Variants in NAA30 observed in about 807,000 individuals in gnomAD.
NAA30 encodes the protein N-alpha-acetyltransferase 30.
NAA30 carries 5 observed loss-of-function variants against 31.4 expected under a neutral mutation model. The observed-to-expected ratio is 0.16, with a 90% CI of 0.08 to 0.33. The LOEUF (loss-of-function observed/expected upper bound fraction) is 0.33, where lower values mean the gene tolerates loss of function less well. Ranked by LOEUF, NAA30 falls within the 10% of genes least tolerant of loss-of-function variation. The pLI, the probability that NAA30 is intolerant of heterozygous loss-of-function variation, is 1.00. For synonymous variants in NAA30, 222 were observed against 207.1 expected, an observed-to-expected ratio of 1.07 and a Z score of -0.62; for missense variants, 428 against 490.8, an observed-to-expected ratio of 0.87 and a Z score of 1.21.
At chr14:57,404,113 A>C (rs1383015689) in intron 4 of NAA30, among the ~76,000 whole-genome samples, 1 of 152,160 alleles carries the variant, frequency 6.6e-6, no homozygotes, top group Admixed American at 6.5e-5. Flanking sequence ...CGAGGTCAGG[A>C]GTTCGAGACC....
chr14:57,404,744 G>A (rs1447731332), intron 4 of NAA30, among the ~76,000 whole-genome samples: 2 of 152,174 alleles, frequency 1.3e-5, no homozygotes, highest in Admixed American at 6.5e-5. Flanking sequence ...GATGGTGGCA[G>A]GCAAAGAGAA....
intron 3 of NAA30, among the ~76,000 whole-genome samples, chr14:57,398,030 G>C (rs564022957): frequency 6.6e-6 from 1 of 152,242 alleles, no homozygotes; most frequent in South Asian, 2.1e-4. Flanking sequence ...CTTTAGCTGA[G>C]TATTCATAAA....
Position 57,409,816 on chromosome 14 carries a change from T to C in NAA30, c.*300T>C, listed in dbSNP as rs2066515626. ...GACAATGTTATTTACACAGTGATCA[T>C]TTTATCACAGAACCAGTAAGTGGAA... On this transcript the variant is annotated 3_prime_UTR_variant, in exon 5 of 5. Coordinates refer to ENST00000556492, the MANE Select transcript of NAA30 (RefSeq NM_001011713.3). 4.2e-6 allele frequency: 1 copy of C among 239,496 alleles called. No individual in the cohort carries two copies. Among genetic ancestry groups the C allele is most frequent in the African/African-American group, 2.2e-5 (1 of 44,830 alleles). 14.8% of individuals were successfully genotyped at this position (239,496 alleles called of 1,614,324 possible).
chr14:57,393,406 A>G (rs544202234), intron 2 of NAA30, among the ~76,000 whole-genome samples: 4 of 152,286 alleles, frequency 2.6e-5, no homozygotes, highest in Middle Eastern at 3.4e-3. Context: ...TGGTTGACCT[A>G]TAAGATTTAC....
intron 4 of NAA30, among the ~76,000 whole-genome samples, chr14:57,401,052 T>C (rs1056585731): frequency 6.6e-6 from 1 of 152,234 alleles, no homozygotes; most frequent in Admixed American, 6.5e-5. Context: ...TACTGTTAAC[T>C]GTTTGAAATG....
In NAA30 at chr14:57,407,156, T is replaced by C. The variant is rs528197291; in HGVS notation, c.952-2223T>C. On this transcript the variant is annotated intron_variant, in intron 4 of 4. Coordinates refer to ENST00000556492, the MANE Select transcript of NAA30 (RefSeq NM_001011713.3). The stretch of plus-strand genomic sequence containing the variant: ...GATCTGCCTTGACCTCCCAAAGTGC[T>C]GGGATTATAGACATGAGCCACCAAA... Among the ~76,000 whole-genome samples the C allele has an allele frequency of 9.8e-5, 15 of 152,320 alleles. No individual in the cohort carries two copies. The South Asian group carries it at 3.1e-3, about 32-fold the overall frequency.
At chr14:57,406,459 G>A (rs939617609) in intron 4 of NAA30, among the ~76,000 whole-genome samples, 1 of 152,154 alleles carries the variant, frequency 6.6e-6, no homozygotes, top group African/African-American at 2.4e-5. Context: ...TTAAGCTTTA[G>A]TTCATAATTG....
At chr14:57,409,342 G>T in intron 4 of NAA30, 37 bp from the exon 5 acceptor site, 1 of 1,491,696 alleles carries the variant, frequency 6.7e-7, no homozygotes, top group Admixed American at 2.3e-5. Context: ...TTTAAATTGT[G>T]TAATTATAAC....
At chr14:57,390,835 C>G in intron 1 of NAA30, 122 bp from the exon 2 acceptor site, 1 of 952,106 alleles carries the variant, frequency 1.1e-6, no homozygotes, top group South Asian at 2.4e-5. Flanking sequence ...GGGGCAGCTC[C>G]GTGAGGGACG....
chr14:57,398,637 A>T (rs925635527), intron 3 of NAA30, among the ~76,000 whole-genome samples: 5 of 63,886 alleles, frequency 7.8e-5, no homozygotes, highest in Admixed American at 2.7e-4. Flanking sequence ...TATTTTTTTT[A>T]TTATTATTTT....
In NAA30 at chr14:57,391,356, C is replaced by CT. The variant is rs1375436423; in HGVS notation, c.400dup (p.Ser134PhefsTer11). Reference sequence around the variant, plus strand: ...CTGCAACAAAAGGAGCCGGGGTACACTCGGGCGAGAGGCCCCCTCACTCCC... The same window carrying CT: ...CTGCAACAAAAGGAGCCGGGGTACACTTCGGGCGAGAGGCCCCCTCACTCCC... On this transcript the variant is annotated frameshift_variant, in exon 2 of 5. Coordinates refer to ENST00000556492, the MANE Select transcript of NAA30 (RefSeq NM_001011713.3). LOFTEE classifies it high-confidence loss of function. The surrounding 1 kb of genome is among the most constrained non-coding windows in gnomAD (Gnocchi z 4.1). 1 of 1,611,760 alleles carries CT rather than the reference C, an allele frequency of 6.2e-7. No homozygotes were observed. Among genetic ancestry groups the CT allele is most frequent in the African/African-American group, 1.3e-5 (1 of 74,938 alleles).
chr14:57,397,172 A>C (rs924292675), intron 3 of NAA30, among the ~76,000 whole-genome samples: 23 of 152,304 alleles, frequency 1.5e-4, no homozygotes, highest in African/African-American at 5.3e-4. Flanking sequence ...GCTAAGTACC[A>C]CAAGAAATAC....
intron 4 of NAA30, among the ~76,000 whole-genome samples, chr14:57,408,019 G>T (rs1361183221): frequency 1.3e-5 from 2 of 152,158 alleles, no homozygotes; most frequent in African/African-American, 4.8e-5. Flanking sequence ...GGGTGATCCT[G>T]TTTACTGAGA....
At chr14:57,399,991 A>G (rs528647958) in intron 4 of NAA30, 108 bp downstream of exon 4, 2 of 541,996 alleles carry the variant, frequency 3.7e-6, no homozygotes, top group Non-Finnish European at 6.4e-6. Context: ...GTGTTACTAT[A>G]CAAATGCAGC....
Position 57,403,095 on chromosome 14 carries a change from C to T in NAA30, c.951+3212C>T, listed in dbSNP as rs567344902. Among the ~76,000 whole-genome samples, 4 of 152,240 alleles carry T rather than the reference C, an allele frequency of 2.6e-5. No individual in the cohort carries two copies. The South Asian group carries it at 6.2e-4, about 24-fold the overall frequency. On this transcript the variant is annotated intron_variant, in intron 4 of 4. Transcript: ENST00000556492. ...ACTCGGGAGGCTGAGGCAGGAGAAT[C>T]GCTTGAACCCGAGAGGTGGAAGTTG... is the stretch of plus-strand genomic sequence containing the variant.
chr14:57,408,625 A>G (rs1414732455), intron 4 of NAA30, among the ~76,000 whole-genome samples: 1 of 152,220 alleles, frequency 6.6e-6, no homozygotes, highest in East Asian at 1.9e-4. Context: ...GGTGGGGCTC[A>G]GCAATCTATT....
intron 4 of NAA30, among the ~76,000 whole-genome samples, chr14:57,405,462 CATT>C (rs1251904149): frequency 6.6e-6 from 1 of 151,208 alleles, no homozygotes; most frequent in African/African-American, 2.4e-5. Context: ...TCACTGGAAA[CATT>C]ATGCTATGTG....
In NAA30 at chr14:57,396,912, G is replaced by A. The variant is rs1162333340; in HGVS notation, c.895+37G>A. On this transcript the variant is annotated intron_variant, in intron 3 of 4. Coordinates refer to ENST00000556492, the MANE Select transcript of NAA30 (RefSeq NM_001011713.3). ...ATTATTTTATGGAAAGAATGCCTAA[G>A]CTATTTTCATTTTTGTTGTGTTTTG... is the stretch of plus-strand genomic sequence containing the variant. 2.5e-6 allele frequency: 4 copies of A among 1,591,222 alleles called. No individual in the cohort carries two copies. In the African/African-American group the frequency reaches 5.4e-5, roughly 21 times the overall value.
At chr14:57,406,606 T>C (rs1404914053) in intron 4 of NAA30, among the ~76,000 whole-genome samples, 2 of 152,244 alleles carry the variant, frequency 1.3e-5, no homozygotes, top group Admixed American at 1.3e-4. Flanking sequence ...TTGCACATAG[T>C]ACAGCTCCAA....
Sources: gnomAD v4.1 joint callset for allele counts (sites outside exome capture counted in the v4.1 genomes callset) on GRCh38, gnomAD v4.1.1 for gene constraint, Gnocchi (gnomAD v3.1) non-coding constraint, MANE v1.5 for transcripts, NCBI Gene and HGNC (gene_info 2026-07-23, HGNC 2026-07-21) for gene names.